The following C1orf87 variants were observed in gnomAD, a reference collection of about 807,000 sequenced individuals.
The protein encoded by C1orf87 is chromosome 1 open reading frame 87.
A neutral mutation model predicts 60.5 loss-of-function variants in C1orf87; 58 were observed. The ratio of observed to expected loss-of-function variants is 0.96; its 90% confidence interval spans 0.78 to 1.19. The LOEUF is 1.19. Among genes scored for constraint, C1orf87 ranks in the 50% most tolerant of loss-of-function variants. The pLI, the probability that C1orf87 is intolerant of heterozygous loss-of-function variation, is 0.00. For synonymous variants in C1orf87, 236 were observed against 227.4 expected, an observed-to-expected ratio of 1.04 and a Z score of -0.34; for missense variants, 673 against 638.6, an observed-to-expected ratio of 1.05 and a Z score of -0.58.
intron 8 of C1orf87, among the ~76,000 whole-genome samples, chr1:60,021,439 C>G (rs1410995144): frequency 6.6e-6 from 1 of 152,114 alleles, no homozygotes; most frequent in Non-Finnish European, 1.5e-5. Context: ...GCACAAGGAA[C>G]CTGATTTTGG....
At chr1:59,990,938 A>G in intron 11 of C1orf87, 105 bp from the exon 12 acceptor site, 1 of 1,120,808 alleles carries the variant, frequency 8.9e-7, no homozygotes, top group Non-Finnish European at 1.3e-6. Flanking sequence ...ACTAAATGCT[A>G]ATACTTTGCA....
In C1orf87 at chr1:60,040,027, G is replaced by T. The variant is rs748020046; in HGVS notation, c.637C>A (p.Leu213Ile). The T allele has an allele frequency of 6.2e-7, 1 of 1,614,204 alleles. No individual in the cohort carries two copies. Among genetic ancestry groups the T allele is most frequent in the Non-Finnish European group, 8.5e-7 (1 of 1,180,034 alleles). Reference protein sequence around the residue: ...KILDPISSGFLLQSQLSRLFL... With the variant: ...KILDPISSGFILQSQLSRLFL... ...AGGCGGCTCAGCTGAGATTGGAGAA[G>T]AAATCCTGAAGAGATTGGGTCCAGG... The change falls in exon 5 of 12, where the codon CTT becomes ATT. Residue 213 changes from leucine (L) to isoleucine (I), a missense_variant. Physicochemically the swap from Leu to Ile is conservative, Grantham distance 5. Coordinates refer to ENST00000371201, the MANE Select transcript of C1orf87 (RefSeq NM_152377.3).
chr1:60,010,902 A>C (rs1645079484), intron 8 of C1orf87: 3 of 148,994 alleles, frequency 2.0e-5, no homozygotes, highest in African/African-American at 4.9e-5. Context: ...AAATAAATAA[A>C]TAAATAAATA....
At chr1:59,993,780 T>C (rs1457303652) in intron 11 of C1orf87, among the ~76,000 whole-genome samples, 5 of 143,452 alleles carry the variant, frequency 3.5e-5, no homozygotes, top group Non-Finnish European at 7.6e-5. Flanking sequence ...TTTTTTGAGA[T>C]GGAGTTTTGC....
intron 2 of C1orf87, among the ~76,000 whole-genome samples, chr1:60,062,092 G>T (rs143821905): frequency 2.6e-5 from 4 of 152,234 alleles, no homozygotes; most frequent in Admixed American, 1.3e-4. Flanking sequence ...TCTCAAGATG[G>T]CCCGAGAGGC....
chr1:59,994,446 T>G (rs994052888), intron 11 of C1orf87, among the ~76,000 whole-genome samples: 18 of 152,162 alleles, frequency 1.2e-4, no homozygotes, highest in African/African-American at 4.3e-4. Flanking sequence ...CCCTTCAGCA[T>G]GTTGTTGATG....
intron 11 of C1orf87, among the ~76,000 whole-genome samples, chr1:59,991,585 G>A (rs1644924055): frequency 6.6e-6 from 1 of 152,076 alleles, no homozygotes; most frequent in Non-Finnish European, 1.5e-5. Context: ...GGTTGAATCT[G>A]TAGTTGCGGA....
intron 9 of C1orf87, among the ~76,000 whole-genome samples, chr1:60,002,073 C>T (rs1457374461): frequency 2.6e-5 from 4 of 152,066 alleles, no homozygotes; most frequent in African/African-American, 9.7e-5. Context: ...TTTCTGGGAG[C>T]CTCAGCTTTA....
intron 8 of C1orf87, among the ~76,000 whole-genome samples, chr1:60,013,332 G>T (rs1489851196): frequency 1.3e-5 from 2 of 151,638 alleles, no homozygotes; most frequent in African/African-American, 2.4e-5. Flanking sequence ...TTTTTCTCTA[G>T]ATTTTGTAAA....
At chr1:60,017,750 A>G (rs958142776) in intron 8 of C1orf87, among the ~76,000 whole-genome samples, 4 of 152,246 alleles carry the variant, frequency 2.6e-5, no homozygotes, top group African/African-American at 9.6e-5. Context: ...AGGGTGATTC[A>G]GAGTAGAGAT....
chr1:60,029,443 G>T (rs1166648919), intron 7 of C1orf87, among the ~76,000 whole-genome samples: 1 of 151,664 alleles, frequency 6.6e-6, no homozygotes, highest in Non-Finnish European at 1.5e-5. Context: ...ACCCTTCAAT[G>T]ATTCCTTTGG....
intron 7 of C1orf87, among the ~76,000 whole-genome samples, chr1:60,030,887 T>G (rs946529707): frequency 2.4e-4 from 36 of 152,356 alleles, no homozygotes; most frequent in African/African-American, 8.2e-4. Flanking sequence ...TACTGATCTT[T>G]GTGGATGGTC....
At chr1:60,052,786 T>C (rs1645423452) in intron 3 of C1orf87, among the ~76,000 whole-genome samples, 2 of 152,216 alleles carry the variant, frequency 1.3e-5, no homozygotes, top group Admixed American at 1.3e-4. Context: ...TTGGTGTGCT[T>C]TTGTAACTGC....
chr1:60,034,533 C>T (rs1375111236), intron 6 of C1orf87, among the ~76,000 whole-genome samples: 1 of 152,204 alleles, frequency 6.6e-6, no homozygotes, highest in Non-Finnish European at 1.5e-5. Context: ...AAATCTTTAA[C>T]AATCAGCTTT....
intron 2 of C1orf87, among the ~76,000 whole-genome samples, chr1:60,058,301 A>G (rs763133505): frequency 6.6e-6 from 1 of 152,206 alleles, no homozygotes; most frequent in Non-Finnish European, 1.5e-5. Context: ...GCATGAGTAT[A>G]TCACATTTGT....
intron 3 of C1orf87, among the ~76,000 whole-genome samples, chr1:60,043,601 G>A (rs976239990): frequency 1.3e-5 from 2 of 152,016 alleles, no homozygotes; most frequent in Admixed American, 1.3e-4. Flanking sequence ...TGGCCAGGAT[G>A]GTCTCGATCT....
intron 3 of C1orf87, 28 bp downstream of exon 3, chr1:60,055,176 A>G: frequency 6.5e-7 from 1 of 1,540,172 alleles, no homozygotes; most frequent in Non-Finnish European, 9.0e-7. Context: ...AATTATCAAG[A>G]TAAACGTGGG....
intron 5 of C1orf87, among the ~76,000 whole-genome samples, chr1:60,039,119 A>T (rs1458575579): frequency 2.0e-5 from 3 of 152,164 alleles, no homozygotes; most frequent in Non-Finnish European, 4.4e-5. Context: ...TCTGGATGAG[A>T]TCATTGAGGC....
intron 4 of C1orf87, 66 bp downstream of exon 4, chr1:60,040,925 G>T (rs2100298021): frequency 2.7e-6 from 4 of 1,482,324 alleles, no homozygotes; most frequent in Non-Finnish European, 3.6e-6. Flanking sequence ...TCCACATCAA[G>T]AAATTGAGTC....
Sources: gnomAD v4.1 joint callset for allele counts (sites outside exome capture counted in the v4.1 genomes callset) on GRCh38, gnomAD v4.1.1 for gene constraint, MANE v1.5 for transcripts, NCBI Gene and HGNC (gene_info 2026-07-23, HGNC 2026-07-21) for gene names.